RASAL2: variants seen among roughly 807,000 people sequenced by gnomAD.
RASAL2 encodes ras GTPase-activating protein nGAP.
RASAL2 carries 58 observed loss-of-function variants against 128.9 expected under a neutral mutation model. The ratio of observed to expected loss-of-function variants is 0.45; its 90% CI spans 0.36 to 0.56. The LOEUF (loss-of-function observed/expected upper bound fraction) is 0.56. RASAL2 is among the 20% of genes least tolerant of loss of function. The probability of loss-of-function intolerance (pLI) is 0.00; values close to 1 mark genes in which losing one functional copy is unlikely to be tolerated. For synonymous variants in RASAL2, 561 were observed against 580.8 expected, an observed-to-expected ratio of 0.97 and a Z score of 0.49; for missense variants, 1,360 against 1,601.6, an observed-to-expected ratio of 0.85 and a Z score of 2.57.
At chr1:178,160,915 A>C (rs1395602240) in intron 1 of RASAL2, among the ~76,000 whole-genome samples, 1 of 152,138 alleles carries the variant, frequency 6.6e-6, no homozygotes, top group Non-Finnish European at 1.5e-5. Flanking sequence ...TTTCCGAAAG[A>C]ATTTGACACT....
At chr1:178,120,331 T>A (rs1318787965) in intron 1 of RASAL2, among the ~76,000 whole-genome samples, 1 of 152,206 alleles carries the variant, frequency 6.6e-6, no homozygotes, top group East Asian at 1.9e-4. Flanking sequence ...CATTGGGTCT[T>A]TTCCTGTTTT....
intron 3 of RASAL2, among the ~76,000 whole-genome samples, chr1:178,363,955 G>A (rs1438857985): frequency 6.6e-6 from 1 of 152,076 alleles, no homozygotes; most frequent in African/African-American, 2.4e-5. Context: ...AATTAGCGGG[G>A]CCAGGTGGCA....
intron 14 of RASAL2, among the ~76,000 whole-genome samples, chr1:178,459,388 C>G (rs1359162408): frequency 6.6e-6 from 1 of 151,610 alleles, no homozygotes; most frequent in Non-Finnish European, 1.5e-5. Flanking sequence ...ATATATCTTT[C>G]ATCTAAAAAG....
chr1:178,129,495 C>T (rs551754908), intron 1 of RASAL2, among the ~76,000 whole-genome samples: 1 of 152,052 alleles, frequency 6.6e-6, no homozygotes, highest in Admixed American at 6.5e-5. Context: ...AATAAAAGAT[C>T]TTTATAAAGA....
chr1:178,199,750 T>C (rs1467077117), intron 1 of RASAL2, among the ~76,000 whole-genome samples: 4 of 152,166 alleles, frequency 2.6e-5, no homozygotes. Flanking sequence ...GTCAACTTAA[T>C]TGGATTGAAG....
At chr1:178,383,046 G>A (rs1393171952) in intron 3 of RASAL2, among the ~76,000 whole-genome samples, 4 of 151,878 alleles carry the variant, frequency 2.6e-5, no homozygotes, top group Non-Finnish European at 5.9e-5. Flanking sequence ...TTCCTTGGCT[G>A]GGGAAAAAAA....
chr1:178,332,487 A>G (rs1244312162), intron 3 of RASAL2, among the ~76,000 whole-genome samples: 2 of 152,054 alleles, frequency 1.3e-5, no homozygotes, highest in Non-Finnish European at 1.5e-5. Flanking sequence ...CCTAGGCAAT[A>G]AAGAACAACA....
intron 5 of RASAL2, among the ~76,000 whole-genome samples, chr1:178,421,042 T>G (rs1346238516): frequency 6.6e-6 from 1 of 152,192 alleles, no homozygotes; most frequent in African/African-American, 2.4e-5. Context: ...AATACTATTA[T>G]TATCACCATT....
At chr1:178,416,031 G>T (rs374241538) in intron 4 of RASAL2, among the ~76,000 whole-genome samples, 15 of 152,026 alleles carry the variant, frequency 9.9e-5, no homozygotes, top group East Asian at 9.6e-4. Context: ...TTTAATTGGG[G>T]TATTTAGACT....
chr1:178,306,477 A>T (rs6699013), intron 3 of RASAL2, among the ~76,000 whole-genome samples: 8,282 of 152,198 alleles, frequency 0.054, 265 homozygotes, highest in South Asian at 0.085. Flanking sequence ...AGCCACACTG[A>T]CTTCCACAAT....
At chr1:178,262,087 A>G (rs1665723972) in intron 1 of RASAL2, among the ~76,000 whole-genome samples, 1 of 152,128 alleles carries the variant, frequency 6.6e-6, no homozygotes, top group South Asian at 2.1e-4. Flanking sequence ...TAAGAATATA[A>G]AGACGAATAA....
chr1:178,157,491 G>C (rs975005703), intron 1 of RASAL2, among the ~76,000 whole-genome samples: 6 of 152,166 alleles, frequency 3.9e-5, no homozygotes, highest in African/African-American at 1.4e-4. Context: ...GGGAAGGACT[G>C]TAGGCTGTAG....
At chr1:178,236,346 G>T (rs1664238665) in intron 1 of RASAL2, among the ~76,000 whole-genome samples, 1 of 151,954 alleles carries the variant, frequency 6.6e-6, no homozygotes, top group Non-Finnish European at 1.5e-5. Flanking sequence ...CCATGTACCT[G>T]TCTCTCAGCT....
intron 3 of RASAL2, among the ~76,000 whole-genome samples, chr1:178,381,544 T>C (rs554191465): frequency 1.3e-5 from 2 of 152,350 alleles, no homozygotes; most frequent in South Asian, 2.1e-4. Flanking sequence ...TAGTTCTTGG[T>C]AAATGATTAA....
chr1:178,233,056 TC>T (rs888010586), intron 1 of RASAL2, among the ~76,000 whole-genome samples: 15 of 152,224 alleles, frequency 9.9e-5, no homozygotes, highest in African/African-American at 3.6e-4. Context: ...ATACTTTGCT[TC>T]AGGCAAGAGG....
intron 1 of RASAL2, among the ~76,000 whole-genome samples, chr1:178,245,011 A>G (rs765360836): frequency 1.3e-4 from 20 of 152,258 alleles, no homozygotes; most frequent in Non-Finnish European, 2.5e-4. Context: ...AGTTTTTGCT[A>G]TTGTAAATAG....
chr1:178,411,039 G>T (rs1281572194), intron 4 of RASAL2, among the ~76,000 whole-genome samples: 3 of 152,120 alleles, frequency 2.0e-5, no homozygotes, highest in African/African-American at 4.8e-5. Context: ...CAGAGGAAAA[G>T]AAGTCATATG....
intron 3 of RASAL2, among the ~76,000 whole-genome samples, chr1:178,349,118 A>G (rs929239314): frequency 6.6e-6 from 1 of 150,842 alleles, no homozygotes; most frequent in African/African-American, 2.4e-5. Context: ...GTTTATTTTC[A>G]TGTTGAAAGT....
At chr1:178,244,330 C>T (rs763239701) in intron 1 of RASAL2, among the ~76,000 whole-genome samples, 5 of 152,104 alleles carry the variant, frequency 3.3e-5, no homozygotes, top group Non-Finnish European at 7.3e-5. Context: ...GCAACCTCTG[C>T]CTCTCGGGTT....
Sources: gnomAD v4.1 joint callset for allele counts (sites outside exome capture counted in the v4.1 genomes callset) on GRCh38, gnomAD v4.1.1 for gene constraint, MANE v1.5 for transcripts, NCBI Gene and HGNC (gene_info 2026-07-23, HGNC 2026-07-21) for gene names.